Variants in DNA2 observed in about 807,000 individuals in gnomAD.
DNA2 encodes the protein DNA replication helicase/nuclease 2, also known as DNA replication ATP-dependent helicase/nuclease DNA2.
DNA2 carries 101 observed loss-of-function variants against 119.1 expected under a neutral mutation model. The ratio of observed to expected loss-of-function variants is 0.85; its 90% CI spans 0.72 to 1.00. The LOEUF (loss-of-function observed/expected upper bound fraction) is 1.00. Among genes scored for constraint, DNA2 ranks in the 50% least tolerant of loss-of-function variants. The probability of loss-of-function intolerance (pLI) is 0.00; values close to 1 mark genes in which losing one functional copy is unlikely to be tolerated. For missense variants in DNA2, 1,121 were observed against 1,255.5 expected (o/e 0.89, Z 1.62); for synonymous variants, 366 against 424.4 (o/e 0.86, Z 1.69).
chr10:68,449,971 CT>C, intron 6 of DNA2, 56 bp downstream of exon 6: 1 of 1,117,506 alleles, frequency 8.9e-7, no homozygotes, highest in Non-Finnish European at 1.2e-6. Context: ...AAGACTCTGT[CT>C]CAAAAAAAAA....
At chr10:68,448,980 T>C (rs146993491) in intron 6 of DNA2, among the ~76,000 whole-genome samples, 3,054 of 142,088 alleles carry the variant, frequency 0.021, 188 homozygotes, top group African/African-American at 0.086. Flanking sequence ...TGTGTGTGTG[T>C]GTGTGTAGTA....
chr10:68,450,811 A>G (rs1181609173), intron 5 of DNA2, among the ~76,000 whole-genome samples: 1 of 152,180 alleles, frequency 6.6e-6, no homozygotes, highest in Non-Finnish European at 1.5e-5. Flanking sequence ...TTCACATAAC[A>G]CTAGATTACA....
chr10:68,419,992 A>T (rs1485540130), intron 17 of DNA2, 100 bp from the exon 18 acceptor site: 1 of 883,594 alleles, frequency 1.1e-6, no homozygotes, highest in Admixed American at 2.4e-5. Context: ...TTGGAGATGA[A>T]AAATAGCTTT....
intron 7 of DNA2, among the ~76,000 whole-genome samples, chr10:68,445,710 T>C (rs1490689750): frequency 6.6e-6 from 1 of 152,116 alleles, no homozygotes; most frequent in Non-Finnish European, 1.5e-5. Flanking sequence ...TGAAGATAAA[T>C]ACAGCTATCT....
intron 9 of DNA2, among the ~76,000 whole-genome samples, chr10:68,440,360 C>T (rs1469943635): frequency 6.6e-6 from 1 of 151,998 alleles, no homozygotes; most frequent in African/African-American, 2.4e-5. Flanking sequence ...TATAGTGGCA[C>T]AATCTTGGCT....
chr10:68,428,066 G>A (rs560633208), intron 14 of DNA2, among the ~76,000 whole-genome samples: 4 of 150,032 alleles, frequency 2.7e-5, no homozygotes, highest in East Asian at 2.0e-4. Context: ...AGTGGCTCAC[G>A]CCTGTAATCC....
chr10:68,415,004 C>G lies in DNA2; in HGVS notation c.*35G>C. ...GTATGGGCACTAGCTAGAGGAGATA[C>G]TGCCCTAGTATGAAAAGGCAAGGGA... On this transcript the variant is annotated 3_prime_UTR_variant, in exon 21 of 21. Coordinates refer to ENST00000358410, the MANE Select transcript of DNA2 (RefSeq NM_001080449.3). 7.3e-7 allele frequency: 1 copy of G among 1,371,518 alleles called. No homozygotes were observed. Among genetic ancestry groups the G allele is most frequent in the Non-Finnish European group, 1.0e-6 (1 of 981,894 alleles). The allele number at this position is 1,371,518 out of a possible 1,614,324, so 85.0% of individuals were successfully genotyped here. A position where few individuals can be genotyped will look rare whatever the true frequency, so the allele number is the denominator to read the frequency against.
chr10:68,470,154 C>T lies in DNA2; in HGVS notation c.84G>A (p.Lys28=). 6.3e-7 allele frequency: 1 copy of T among 1,590,446 alleles called. No homozygotes were observed. The highest frequency in any genetic ancestry group is 8.5e-7 in the Non-Finnish European group (1 of 1,174,366). ...EAELPAELFQ[K]KVVASFPRTV... is the part of the protein sequence containing the mutation. ...TTCTTGGAAAGGAAGCTACCACTTT[C>T]TTCTGAAATCTAAAGCACACACATA... The change falls in exon 2 of 21, where the codon AAG becomes AAA. Residue 28 remains lysine (K), a synonymous_variant. Transcript: ENST00000358410.
chr10:68,436,524 T>C (rs2051890067), intron 10 of DNA2, among the ~76,000 whole-genome samples: 1 of 152,186 alleles, frequency 6.6e-6, no homozygotes, highest in South Asian at 2.1e-4. Flanking sequence ...ATATTGGGAA[T>C]ATACTAAACG....
At chr10:68,435,937 A>C (rs182656198) in intron 10 of DNA2, among the ~76,000 whole-genome samples, 1 of 152,368 alleles carries the variant, frequency 6.6e-6, no homozygotes, top group East Asian at 1.9e-4. Context: ...GCTGTCTGCT[A>C]TACATGTGGT....
At position 68,435,422 on chromosome 10, in the gene DNA2, T is replaced by G. The variant is rs1415398761; in HGVS notation, c.1646+1589A>C. 4.0e-5 allele frequency among the ~76,000 whole-genome samples: 6 copies of G among 151,676 alleles called. No homozygotes were observed. In the Admixed American group the frequency reaches 4.0e-4, roughly 10 times the overall value. ...GCGTGGTGGCTCACAAGGTCCAGCC[T>G]AAATAAAAATATTAATAGTAGAATA... On this transcript the variant is annotated intron_variant, in intron 10 of 20. Transcript: ENST00000358410.
intron 4 of DNA2, among the ~76,000 whole-genome samples, chr10:68,460,034 C>A (rs368096183): frequency 2.1e-5 from 3 of 144,380 alleles, no homozygotes; most frequent in African/African-American, 5.7e-5. Context: ...CACAAATACA[C>A]ACACACACAC....
chr10:68,468,074 T>C lies in DNA2; in HGVS notation c.441+49A>G. On this transcript the variant is annotated intron_variant, in intron 3 of 20. Transcript: ENST00000358410. ...TGAAATAATAAATGTAAAAGTGCTC[T>C]GTAAAACTCTCAGACCCTGCAGAAA... is the stretch of plus-strand genomic sequence containing the variant. 3.0e-6 allele frequency: 4 copies of C among 1,347,492 alleles called. 1 individual carries two copies. In the South Asian group the frequency reaches 7.2e-5, roughly 24 times the overall value. The allele number at this position is 1,347,492 out of a possible 1,614,324, so 83.5% of individuals were successfully genotyped here.
chr10:68,472,069 C>T, upstream of DNA2: 4 of 1,587,722 alleles, frequency 2.5e-6, no homozygotes, highest in Non-Finnish European at 3.4e-6. Context: ...CAGCAGGGCT[C>T]TGTCCCCTGC....
chr10:68,431,169 A>G (rs1243080003), intron 13 of DNA2, among the ~76,000 whole-genome samples: 1 of 148,998 alleles, frequency 6.7e-6, no homozygotes, highest in Non-Finnish European at 1.5e-5. Flanking sequence ...GATTACAGGC[A>G]TGATCCACCT....
intron 6 of DNA2, among the ~76,000 whole-genome samples, chr10:68,448,932 G>GGTGTGTGTGTGTGT (rs776191186): frequency 4.9e-5 from 7 of 142,202 alleles, no homozygotes; most frequent in Non-Finnish European, 7.6e-5. Context: ...CACCACACCA[G>GGTGTGTGTGTGTGT]GTGTGTGTGT....
At chr10:68,463,431 A>G (rs12569904) in intron 4 of DNA2, among the ~76,000 whole-genome samples, 22,614 of 139,132 alleles carry the variant, frequency 0.16, 2,371 homozygotes, top group African/African-American at 0.28. Flanking sequence ...GGGACAGAGC[A>G]AGACTCCATC....
At position 68,414,126 on chromosome 10, in the gene DNA2, A is replaced by T. The variant is rs1389725426; in HGVS notation, c.*913T>A. 1 of 151,498 alleles carries T rather than the reference A, an allele frequency of 6.6e-6. No homozygotes were observed. Among genetic ancestry groups the T allele is most frequent in the African/African-American group, 2.4e-5 (1 of 41,360 alleles). 9.4% of individuals were successfully genotyped at this position (151,498 alleles called of 1,614,324 possible). Reference sequence around the variant, plus strand: ...AAGTAATAATTTAAAAAAACACATGAGGTAGAAATAAAAATTTTAACATAT... The same window carrying T: ...AAGTAATAATTTAAAAAAACACATGTGGTAGAAATAAAAATTTTAACATAT... On this transcript the variant is annotated 3_prime_UTR_variant, in exon 21 of 21. Transcript: ENST00000358410.
At chr10:68,429,711 C>CAAAAAAAAA (rs1165329779) in intron 14 of DNA2, among the ~76,000 whole-genome samples, 1 of 40,396 alleles carries the variant, frequency 2.5e-5, no homozygotes, top group Admixed American at 5.3e-4. Flanking sequence ...GACTCCATCT[C>CAAAAAAAAA]AAAAAAAAAA....
Sources: allele counts gnomAD v4.1 joint callset (sites outside exome capture counted in the v4.1 genomes callset), GRCh38; gene constraint gnomAD v4.1.1; transcripts MANE v1.5; gene names NCBI Gene and HGNC (gene_info 2026-07-23, HGNC 2026-07-21).